The following POU6F2 variants were observed in gnomAD, a reference collection of about 807,000 sequenced individuals.
The protein encoded by POU6F2 is POU class 6 homeobox 2.
Under a neutral mutation model 71.3 loss-of-function variants are expected in POU6F2, and 31 were observed. The observed-to-expected ratio is 0.43, with a 90% confidence interval of 0.33 to 0.59. The LOEUF (loss-of-function observed/expected upper bound fraction) is 0.59. Among genes scored for constraint, POU6F2 ranks in the 20% least tolerant of loss-of-function variants. POU6F2 has a pLI of 0.04. For missense variants in POU6F2, 783 were observed against 856.8 expected (o/e 0.91, Z 1.07); for synonymous variants, 347 against 355.7 (o/e 0.98, Z 0.27).
chr7:39,180,230 C>T (rs142253455), intron 2 of POU6F2, among the ~76,000 whole-genome samples: 5 of 152,262 alleles, frequency 3.3e-5, no homozygotes, highest in African/African-American at 1.2e-4. Context: ...CCAAAGCAAA[C>T]TAGCATGCTT....
intron 2 of POU6F2, among the ~76,000 whole-genome samples, chr7:39,160,977 T>A (rs986591964): frequency 5.3e-5 from 8 of 152,196 alleles, no homozygotes; most frequent in Non-Finnish European, 1.5e-5. Flanking sequence ...GCCGTTGATA[T>A]CTTTCATTAG....
At chr7:39,455,380 C>A (rs765955917) in intron 8 of POU6F2, among the ~76,000 whole-genome samples, 1 of 152,192 alleles carries the variant, frequency 6.6e-6, no homozygotes, top group Non-Finnish European at 1.5e-5. Context: ...GTTTCACAAT[C>A]CATGCCATTT....
chr7:39,375,843 A>C (rs1243891172), intron 5 of POU6F2, among the ~76,000 whole-genome samples: 5 of 151,960 alleles, frequency 3.3e-5, no homozygotes, highest in African/African-American at 1.2e-4. Context: ...CAGAAAGAGC[A>C]ATTTGGGGGT....
intron 2 of POU6F2, among the ~76,000 whole-genome samples, chr7:39,190,527 G>C (rs561335299): frequency 6.9e-6 from 1 of 145,100 alleles, no homozygotes; most frequent in African/African-American, 2.5e-5. Flanking sequence ...GATTAAATGA[G>C]ATCACAGATG....
At chr7:38,988,788 C>G (rs571370753) in intron 1 of POU6F2, among the ~76,000 whole-genome samples, 1 of 152,196 alleles carries the variant, frequency 6.6e-6, no homozygotes, top group African/African-American at 2.4e-5. Flanking sequence ...TGGAATTGGT[C>G]CGGAGAATGC....
chr7:39,315,191 C>T (rs182139506), intron 4 of POU6F2, among the ~76,000 whole-genome samples: 1 of 152,308 alleles, frequency 6.6e-6, no homozygotes, highest in East Asian at 1.9e-4. Flanking sequence ...AGCCTTGCTA[C>T]TCTAATTCTA....
At chr7:39,316,410 T>C (rs1785269522) in intron 4 of POU6F2, among the ~76,000 whole-genome samples, 1 of 152,248 alleles carries the variant, frequency 6.6e-6, no homozygotes, top group East Asian at 1.9e-4. Context: ...TGCGAATACC[T>C]GACAGTAAAG....
chr7:39,434,266 C>T (rs941610553), intron 7 of POU6F2, among the ~76,000 whole-genome samples: 13 of 152,060 alleles, frequency 8.5e-5, no homozygotes, highest in Non-Finnish European at 1.2e-4. Flanking sequence ...AGGAGAAAGG[C>T]TCATGTGATT....
intron 2 of POU6F2, among the ~76,000 whole-genome samples, chr7:39,179,890 A>G (rs531131070): frequency 9.2e-5 from 14 of 152,286 alleles, no homozygotes; most frequent in African/African-American, 3.4e-4. Context: ...CATTTCTCCC[A>G]TCTTCCAAAT....
intron 2 of POU6F2, among the ~76,000 whole-genome samples, chr7:39,202,461 T>A (rs1793923833): frequency 6.6e-6 from 1 of 152,232 alleles, no homozygotes; most frequent in Admixed American, 6.5e-5. Flanking sequence ...ACCAAATTTT[T>A]AAAAAATTGT....
At chr7:39,371,786 T>C (rs1178039357) in intron 5 of POU6F2, among the ~76,000 whole-genome samples, 3 of 152,238 alleles carry the variant, frequency 2.0e-5, no homozygotes, top group Non-Finnish European at 2.9e-5. Flanking sequence ...TAGTTTACGT[T>C]CAACCACGGG....
At chr7:39,329,390 G>A (rs945300912) in intron 4 of POU6F2, among the ~76,000 whole-genome samples, 10 of 151,838 alleles carry the variant, frequency 6.6e-5, no homozygotes, top group African/African-American at 2.2e-4. Flanking sequence ...TTGCCTCTCT[G>A]AGGGCAATTT....
intron 5 of POU6F2, among the ~76,000 whole-genome samples, chr7:39,359,714 A>G (rs1786336201): frequency 6.6e-6 from 1 of 152,128 alleles, no homozygotes; most frequent in African/African-American, 2.4e-5. Flanking sequence ...CCCAAAGTTA[A>G]TTTTTCTCAT....
chr7:39,200,981 C>T (rs1341405984), intron 2 of POU6F2, among the ~76,000 whole-genome samples: 1 of 151,986 alleles, frequency 6.6e-6, no homozygotes, highest in Non-Finnish European at 1.5e-5. Context: ...GAGCAATGGT[C>T]ACACCACTGC....
chr7:39,137,806 A>G (rs548041320), intron 2 of POU6F2, among the ~76,000 whole-genome samples: 8 of 151,840 alleles, frequency 5.3e-5, no homozygotes, highest in Non-Finnish European at 8.8e-5. Context: ...TTACAGTTCA[A>G]CCTGTGCATA....
chr7:38,989,399 CA>C (rs1457248771), intron 1 of POU6F2, among the ~76,000 whole-genome samples: 1 of 151,622 alleles, frequency 6.6e-6, no homozygotes, highest in African/African-American at 2.4e-5. Flanking sequence ...TTAAAATTAT[CA>C]CCTTTAGTAA....
chr7:39,344,970 C>A (rs1044939012), intron 5 of POU6F2, among the ~76,000 whole-genome samples: 5 of 152,292 alleles, frequency 3.3e-5, no homozygotes, highest in Middle Eastern at 3.4e-3. Context: ...TGGAAGCACT[C>A]ATCTCAGATG....
intron 5 of POU6F2, among the ~76,000 whole-genome samples, chr7:39,342,209 A>T (rs186088627): frequency 7.1e-6 from 1 of 141,630 alleles, no homozygotes; most frequent in African/African-American, 2.6e-5. Flanking sequence ...CTGTGTCGGT[A>T]GGCATAAAAG....
chr7:39,454,696 ATATATATATATATATATATATATATAT>A (rs1788751614), intron 8 of POU6F2, among the ~76,000 whole-genome samples: 1 of 54,846 alleles, frequency 1.8e-5, no homozygotes, highest in Admixed American at 1.8e-4. Flanking sequence ...ATATATATAT[ATATATATATATATATATATATATATAT>A]ATATAAAATA....
Sources: gnomAD v4.1 joint callset for allele counts (sites outside exome capture counted in the v4.1 genomes callset) on GRCh38, gnomAD v4.1.1 for gene constraint, MANE v1.5 for transcripts, NCBI Gene and HGNC (gene_info 2026-07-23, HGNC 2026-07-21) for gene names.